The following ZFHX3 variants were observed in gnomAD, a reference collection of about 807,000 sequenced individuals.
ZFHX3 encodes the protein zinc finger homeobox 3.
Under a neutral mutation model 279.1 loss-of-function variants are expected in ZFHX3, and 42 were observed. That is an observed-to-expected ratio of 0.15 (90% CI 0.12 to 0.19). The LOEUF (loss-of-function observed/expected upper bound fraction) is 0.19. ZFHX3 is among the 10% of genes least tolerant of loss of function. ZFHX3 has a pLI of 1.00. For synonymous variants in ZFHX3, 2,293 were observed against 1,957.8 expected (o/e 1.17, Z -4.52); for missense variants, 4,981 against 4,754.0 (o/e 1.05, Z -1.40).
Position 72,811,686 on chromosome 16 carries a change from A to G in ZFHX3, c.3755T>C (p.Leu1252Pro). The G allele has an allele frequency of 1.2e-6, 2 of 1,614,104 alleles. No individual in the cohort carries two copies. The highest frequency in any genetic ancestry group is 1.7e-6 in the Non-Finnish European group (2 of 1,180,012). Residue 1252 changes from leucine to proline, a missense_variant, in exon 7 of 10, where the codon CTT becomes CCT. Leu to Pro is a moderately conservative substitution (Grantham distance 98). Coordinates refer to ENST00000268489, the MANE Select transcript of ZFHX3 (RefSeq NM_006885.4). Reference sequence around the variant, plus strand: ...CATGTCCTGGCACAGGGGGCAGCGAAGCATGGGTTGCACCGAGTGCTGCGT... The same window carrying G: ...CATGTCCTGGCACAGGGGGCAGCGAGGCATGGGTTGCACCGAGTGCTGCGT... Reference protein sequence around the residue: ...AMTQHSVQPMLRCPLCQDMLN... With the variant: ...AMTQHSVQPMPRCPLCQDMLN...
At chr16:73,412,495 G>A (rs955868943) in intron 3 of ZFHX3, among the ~76,000 whole-genome samples, 2 of 115,192 alleles carry the variant, frequency 1.7e-5, no homozygotes, top group African/African-American at 7.2e-5. Context: ...CTTGCTTACA[G>A]TAGACAACTC....
At chr16:73,770,268 G>T (rs2054002878) in intron 1 of ZFHX3, among the ~76,000 whole-genome samples, 1 of 152,220 alleles carries the variant, frequency 6.6e-6, no homozygotes, top group Non-Finnish European at 1.5e-5. Context: ...TGCTGGCTTT[G>T]AAAGTTGAAG....
chr16:73,138,083 C>T (rs1966823845), intron 6 of ZFHX3, among the ~76,000 whole-genome samples: 1 of 152,196 alleles, frequency 6.6e-6, no homozygotes, highest in South Asian at 2.1e-4. Context: ...GCCAAATCCT[C>T]AGAGTGCTTC....
intron 4 of ZFHX3, among the ~76,000 whole-genome samples, chr16:72,847,991 T>A (rs1045818980): frequency 2.0e-5 from 3 of 152,268 alleles, no homozygotes; most frequent in African/African-American, 7.2e-5. Context: ...GGACAATGAT[T>A]GGAGCCTGAA....
intron 1 of ZFHX3, among the ~76,000 whole-genome samples, chr16:73,011,662 G>A (rs558389226): frequency 7.9e-5 from 12 of 151,954 alleles, no homozygotes; most frequent in African/African-American, 1.2e-4. Flanking sequence ...GGCAGAGGTC[G>A]CAGTGCATGG....
At chr16:73,860,744 T>C (rs1413751684) in intron 1 of ZFHX3, among the ~76,000 whole-genome samples, 1 of 152,162 alleles carries the variant, frequency 6.6e-6, no homozygotes, top group African/African-American at 2.4e-5. Context: ...GTTCAGGCCT[T>C]CTCCGTGCAG....
intron 2 of ZFHX3, among the ~76,000 whole-genome samples, chr16:72,955,451 A>G (rs1407602729): frequency 6.6e-6 from 1 of 152,184 alleles, no homozygotes; most frequent in Non-Finnish European, 1.5e-5. Context: ...TTCTCAATAC[A>G]AGCCTTAGTT....
chr16:73,096,380 G>A lies in ZFHX3; in HGVS notation c.-896-2782C>T, dbSNP rs1028032825. Among the ~76,000 whole-genome samples the A allele has an allele frequency of 1.4e-4, 21 of 151,150 alleles. No homozygotes were observed. The East Asian group carries it at 3.7e-3, about 27-fold the overall frequency. On this transcript the variant is annotated intron_variant, in intron 7 of 17. Coordinates refer to the ZFHX3 transcript ENST00000641206. ...AACCAATGAAAACTCAGAGGTCTTC[G>A]TATGCAATAGCTGAAGCCGAACTTC...
At chr16:73,676,532 T>C (rs984906013) in intron 2 of ZFHX3, among the ~76,000 whole-genome samples, 1 of 151,932 alleles carries the variant, frequency 6.6e-6, no homozygotes, top group African/African-American at 2.4e-5. Flanking sequence ...CCATACAGTC[T>C]ATATGCCCAA....
In ZFHX3 at chr16:72,980,245, C is replaced by A. The variant is rs558549591; in HGVS notation, c.-49-20051G>T. ...CCCACATGAAGCTACTCCGCATCAT[C>A]CTTTTAAATCCACAGGCTGGCTGGA... is the stretch of plus-strand genomic sequence containing the variant. On this transcript the variant is annotated intron_variant, in intron 1 of 9. Transcript: ENST00000268489. 6.6e-5 allele frequency among the ~76,000 whole-genome samples: 10 copies of A among 152,294 alleles called. No homozygotes were observed. The East Asian group carries it at 1.9e-3, about 29-fold the overall frequency.
At chr16:72,993,860 C>T (rs1963181897) in intron 1 of ZFHX3, among the ~76,000 whole-genome samples, 1 of 152,162 alleles carries the variant, frequency 6.6e-6, no homozygotes, top group Non-Finnish European at 1.5e-5. Flanking sequence ...TGCCACTGTG[C>T]TGCCCGATCC....
intron 2 of ZFHX3, among the ~76,000 whole-genome samples, chr16:73,669,134 A>T (rs937105634): frequency 6.6e-5 from 10 of 151,676 alleles, no homozygotes; most frequent in Non-Finnish European, 4.4e-5. Context: ...GCTCACTGCA[A>T]CCACTGCCTC....
chr16:73,260,828 G>A (rs2013804373), intron 4 of ZFHX3, among the ~76,000 whole-genome samples: 2 of 151,552 alleles, frequency 1.3e-5, no homozygotes, highest in African/African-American at 2.4e-5. Context: ...GATTACAGGC[G>A]CCCACCACCA....
chr16:73,078,985 G>A (rs1433013507), intron 8 of ZFHX3, among the ~76,000 whole-genome samples: 1 of 152,032 alleles, frequency 6.6e-6, no homozygotes, highest in Non-Finnish European at 1.5e-5. Context: ...ACTTCAACTT[G>A]CCTGTCACAT....
At chr16:73,341,845 T>C (rs939346399) in intron 3 of ZFHX3, among the ~76,000 whole-genome samples, 2 of 152,208 alleles carry the variant, frequency 1.3e-5, no homozygotes, top group Non-Finnish European at 2.9e-5. Context: ...CACAAAAGGC[T>C]ACATATTGTA....
intron 3 of ZFHX3, among the ~76,000 whole-genome samples, chr16:73,325,415 T>A (rs146769084): frequency 6.6e-6 from 1 of 152,112 alleles, no homozygotes. Flanking sequence ...CTCTAATGAA[T>A]CTAAGTGCCC....
chr16:73,419,837 G>A (rs1395147635), intron 3 of ZFHX3, among the ~76,000 whole-genome samples: 1 of 151,994 alleles, frequency 6.6e-6, no homozygotes, highest in African/African-American at 2.4e-5. Context: ...GATACTATGT[G>A]CTTAGTGGTT....
At chr16:73,823,827 AC>A (rs1448178722) in intron 1 of ZFHX3, among the ~76,000 whole-genome samples, 1 of 152,138 alleles carries the variant, frequency 6.6e-6, no homozygotes, top group Non-Finnish European at 1.5e-5. Context: ...TGCCTCTCAC[AC>A]CTGCAAGAAA....
At chr16:73,201,162 A>C (rs1175230748) in intron 5 of ZFHX3, among the ~76,000 whole-genome samples, 1 of 152,200 alleles carries the variant, frequency 6.6e-6, no homozygotes, top group Non-Finnish European at 1.5e-5. Flanking sequence ...GTGAGAGCCA[A>C]AGCAAGATCT....
Sources: gnomAD v4.1 joint callset for allele counts (sites outside exome capture counted in the v4.1 genomes callset) on GRCh38, gnomAD v4.1.1 for gene constraint, MANE v1.5 for transcripts, NCBI Gene and HGNC (gene_info 2026-07-23, HGNC 2026-07-21) for gene names.